PAM: variants seen among roughly 807,000 people sequenced by gnomAD.
PAM encodes peptidylglycine alpha-amidating monooxygenase.
Under a neutral mutation model 122.1 loss-of-function variants are expected in PAM, and 72 were observed. The ratio of observed to expected loss-of-function variants is 0.59; its 90% CI spans 0.49 to 0.72. PAM has a LOEUF of 0.72. PAM is among the 30% of genes least tolerant of loss of function. The pLI is 0.00. For synonymous variants in PAM, 389 were observed against 404.4 expected, an observed-to-expected ratio of 0.96 and a Z score of 0.46; for missense variants, 1,106 against 1,183.7, an observed-to-expected ratio of 0.93 and a Z score of 0.96.
At chr5:102,929,594 G>A (rs1750737348) in intron 7 of PAM, among the ~76,000 whole-genome samples, 1 of 152,128 alleles carries the variant, frequency 6.6e-6, no homozygotes, top group Non-Finnish European at 1.5e-5. Context: ...GGAAATGTTT[G>A]GCTTAAGGGT....
chr5:102,989,822 A>AGATAGATAGATAGATAGATAGATAGAT, intron 15 of PAM: 1 of 151,584 alleles, frequency 6.6e-6, no homozygotes, highest in African/African-American at 2.4e-5. Context: ...ATAGATAGAT[A>AGATAGATAGATAGATAGATAGATAGAT]GATAGATAGA....
At chr5:102,848,689 G>T (rs1384770862) in intron 1 of PAM, among the ~76,000 whole-genome samples, 1 of 152,100 alleles carries the variant, frequency 6.6e-6, no homozygotes, top group Non-Finnish European at 1.5e-5. Flanking sequence ...TAATAGAACT[G>T]AAACTAGAAA....
chr5:102,883,248 C>A (rs2151165172), intron 3 of PAM, among the ~76,000 whole-genome samples: 1 of 151,854 alleles, frequency 6.6e-6, no homozygotes, highest in East Asian at 1.9e-4. Flanking sequence ...TTTTCTAGAT[C>A]TGTGAGCAAT....
At chr5:102,824,291 A>G (rs994414770) in intron 1 of PAM, among the ~76,000 whole-genome samples, 1 of 152,216 alleles carries the variant, frequency 6.6e-6, no homozygotes, top group African/African-American at 2.4e-5. Context: ...TTCTGCGAAC[A>G]TTTCTAAATC....
intron 12 of PAM, among the ~76,000 whole-genome samples, chr5:102,952,679 T>C (rs1759342743): frequency 6.6e-6 from 1 of 152,184 alleles, no homozygotes; most frequent in Non-Finnish European, 1.5e-5. Flanking sequence ...AATATGCTTT[T>C]TATTTTTAGA....
At position 102,841,406 on chromosome 5, in the gene PAM, TACACACACAC is replaced by T. The variant is rs35825092; in HGVS notation, c.-373-24387_-373-24378del. ...CTGTTCATTCTCAAACACCTACAAATACACACACACACACACACACACACACACACACACA... is the reference window on the plus strand; with the variant it reads ...CTGTTCATTCTCAAACACCTACAAATACACACACACACACACACACACACA... On this transcript the variant is annotated intron_variant, in intron 1 of 25. Transcript: ENST00000438793. Among the ~76,000 whole-genome samples the T allele has an allele frequency of 7.0e-3, 969 of 138,532 alleles. 5 individuals are homozygous for T. Among genetic ancestry groups the T allele is most frequent in the African/African-American group, 0.024 (897 of 37,748 alleles). 90.9% of individuals were successfully genotyped at this position (138,532 alleles called of 152,430 possible). A position where few individuals can be genotyped will look rare whatever the true frequency, so the allele number is the denominator to read the frequency against.
chr5:103,008,681 T>G (rs2151094940), intron 20 of PAM, among the ~76,000 whole-genome samples: 1 of 152,210 alleles, frequency 6.6e-6, no homozygotes, highest in East Asian at 1.9e-4. Context: ...CTCAGGTGAT[T>G]GATAGAGAGC....
chr5:102,973,774 G>C (rs553271033), intron 14 of PAM, among the ~76,000 whole-genome samples: 3 of 152,072 alleles, frequency 2.0e-5, no homozygotes, highest in African/African-American at 7.2e-5. Context: ...TGTAGCTATT[G>C]ATGATATTTT....
At chr5:102,770,209 A>G (rs1381732813) in intron 1 of PAM, among the ~76,000 whole-genome samples, 1 of 151,912 alleles carries the variant, frequency 6.6e-6, no homozygotes. Flanking sequence ...TCTTTTGTAT[A>G]TTGATTTGTA....
chr5:102,855,129 G>A (rs996782513), intron 1 of PAM, among the ~76,000 whole-genome samples: 1 of 152,102 alleles, frequency 6.6e-6, no homozygotes, highest in African/African-American at 2.4e-5. Context: ...TAGTTGAGAT[G>A]AATTGAGAGG....
At chr5:102,800,221 GC>G (rs1362585401) in intron 1 of PAM, among the ~76,000 whole-genome samples, 1 of 152,054 alleles carries the variant, frequency 6.6e-6, no homozygotes, top group Admixed American at 6.6e-5. Flanking sequence ...CGATTTTTAT[GC>G]ATCATGTTCC....
At chr5:102,963,011 A>G (rs1485456387) in intron 14 of PAM, among the ~76,000 whole-genome samples, 1 of 151,854 alleles carries the variant, frequency 6.6e-6, no homozygotes, top group Non-Finnish European at 1.5e-5. Flanking sequence ...TAACTTGAGA[A>G]TAAAAAAGCA....
In PAM at chr5:102,865,917, C is replaced by A. The variant is rs1381064844; in HGVS notation, c.-279C>A. ...GCACCCGCGCGTCTAGCCCCAGCGC[C>A]AGGGCACGCGAGCGGCGCTGGAGGG... On this transcript the variant is annotated 5_prime_UTR_variant, in exon 2 of 26. Coordinates refer to ENST00000438793, the MANE Select transcript of PAM (RefSeq NM_001177306.2). The A allele has an allele frequency of 1.3e-5, 5 of 372,410 alleles. No individual in the cohort carries two copies. The highest frequency in any genetic ancestry group is 6.7e-5 in the South Asian group (1 of 15,024). 23.1% of individuals were successfully genotyped at this position (372,410 alleles called of 1,614,324 possible).
chr5:103,008,597 T>C (rs953838770), intron 20 of PAM, among the ~76,000 whole-genome samples: 2 of 152,146 alleles, frequency 1.3e-5, no homozygotes, highest in African/African-American at 2.4e-5. Flanking sequence ...ATATTTATGT[T>C]TCTTATAAGT....
At chr5:102,899,870 A>G (rs986136464) in intron 3 of PAM, among the ~76,000 whole-genome samples, 1 of 151,680 alleles carries the variant, frequency 6.6e-6, no homozygotes, top group Admixed American at 6.6e-5. Flanking sequence ...GAGCTGGTCC[A>G]TGTGGCTGGG....
rs1187390015 is a variant in PAM, at chr5:102,913,884, C to T, written c.269-50C>T. The T allele has an allele frequency of 3.0e-6, 3 of 1,016,500 alleles. No individual in the cohort carries two copies. The South Asian group carries it at 3.8e-5, about 13-fold the overall frequency. The allele number at this position is 1,016,500 out of a possible 1,614,324, so 63.0% of individuals were successfully genotyped here. On this transcript the variant is annotated intron_variant, in intron 4 of 25. Transcript: ENST00000438793. The stretch of plus-strand genomic sequence containing the variant: ...AAAGATGTATTTTATGACTTTGGTG[C>T]ACAGAAGTGTAACTTGTATTCACAT...
intron 4 of PAM, among the ~76,000 whole-genome samples, chr5:102,913,732 T>G (rs978349507): frequency 2.6e-5 from 4 of 152,126 alleles, no homozygotes; most frequent in Middle Eastern, 6.8e-3. Context: ...TTCAGCCTTA[T>G]TTTTCCTTTT....
At chr5:102,896,015 C>T (rs1396713977) in intron 3 of PAM, 1 of 151,670 alleles carries the variant, frequency 6.6e-6, no homozygotes, top group Non-Finnish European at 1.5e-5. Context: ...CAGTTTCCTT[C>T]ATGTAACTCC....
intron 5 of PAM, 55 bp from the exon 6 acceptor site, chr5:102,924,902 A>G (rs1460778079): frequency 2.1e-6 from 2 of 936,460 alleles, no homozygotes; most frequent in East Asian, 2.4e-5. Context: ...ATGGGGAGCA[A>G]TTTATGCATT....
Sources: allele counts gnomAD v4.1 joint callset (sites outside exome capture counted in the v4.1 genomes callset), GRCh38; gene constraint gnomAD v4.1.1; transcripts MANE v1.5; gene names NCBI Gene and HGNC (gene_info 2026-07-23, HGNC 2026-07-21).